Variants in SMAD6 observed in about 807,000 individuals in gnomAD.
SMAD6 encodes SMAD family member 6.
Under a neutral mutation model 39.4 loss-of-function variants are expected in SMAD6, and 103 were observed. The observed-to-expected ratio is 2.62, with a 90% CI of 2.23 to 3.08. SMAD6 has a LOEUF of 3.08. Among genes scored for constraint, SMAD6 ranks in the 30% most tolerant of loss-of-function variants. The pLI is 0.00. For missense variants in SMAD6, 1,104 were observed against 742.9 expected (o/e 1.49, Z -5.65); for synonymous variants, 445 against 353.3 (o/e 1.26, Z -2.91).
intron 3 of SMAD6, chr15:66,717,428 G>T (rs927202339): frequency 2.2e-6 from 1 of 455,960 alleles, no homozygotes; most frequent in Non-Finnish European, 4.4e-6. Flanking sequence ...GCATTCTCTT[G>T]GGACAGCCAT....
rs1189061874 is a variant in SMAD6, at chr15:66,703,111, G to A, written c.-148G>A. 5.8e-6 allele frequency: 3 copies of A among 518,750 alleles called. No individual in the cohort carries two copies. The highest frequency in any genetic ancestry group is 4.4e-5 in the Admixed American group (1 of 22,720). The allele number at this position is 518,750 out of a possible 1,614,324, so 32.1% of individuals were successfully genotyped here. On this transcript the variant is annotated 5_prime_UTR_variant, in exon 1 of 4. Transcript: ENST00000288840. ...TGTTGTCGCCCTGCGGCGCCCCTTCGACGACAGGCTGTGCGCGGTCTGCAC... is the reference window on the plus strand; with the variant it reads ...TGTTGTCGCCCTGCGGCGCCCCTTCAACGACAGGCTGTGCGCGGTCTGCAC...
intron 3 of SMAD6, among the ~76,000 whole-genome samples, chr15:66,721,030 G>A (rs1011989655): frequency 1.3e-5 from 2 of 152,212 alleles, no homozygotes; most frequent in Non-Finnish European, 2.9e-5. Flanking sequence ...CTGGATGTGG[G>A]TATCTTTCCT....
intron 3 of SMAD6, among the ~76,000 whole-genome samples, chr15:66,728,750 C>A (rs1486838206): frequency 6.6e-6 from 1 of 152,146 alleles, no homozygotes; most frequent in Non-Finnish European, 1.5e-5. Context: ...ATTCTCACTG[C>A]CAGATAATAT....
At position 66,781,117 on chromosome 15, in the gene SMAD6, A is replaced by G. The variant is rs749006152; in HGVS notation, c.1073A>G (p.Tyr358Cys). 2.5e-6 allele frequency: 4 copies of G among 1,609,036 alleles called. No homozygotes were observed. Among genetic ancestry groups the G allele is most frequent in the South Asian group, 1.1e-5 (1 of 91,016 alleles). The part of the protein sequence containing the change: ...AVYDQAVSIF[Y>C]DLPQGSGFCL... ...TACGACCAGGCCGTCAGCATCTTCTACGACCTACCTCAGGGCAGCGGCTTC... is the reference window on the plus strand; with the variant it reads ...TACGACCAGGCCGTCAGCATCTTCTGCGACCTACCTCAGGGCAGCGGCTTC... The change falls in exon 4 of 4, where the codon TAC becomes TGC. Residue 358 changes from tyrosine to cysteine, a missense_variant. Transcript: ENST00000288840.
intron 3 of SMAD6, among the ~76,000 whole-genome samples, chr15:66,759,750 T>C (rs1894166135): frequency 6.6e-6 from 1 of 152,246 alleles, no homozygotes; most frequent in Non-Finnish European, 1.5e-5. Context: ...GAGTTTGCAC[T>C]TGTAGAATCC....
At chr15:66,741,752 T>C (rs1040464145) in intron 3 of SMAD6, among the ~76,000 whole-genome samples, 3 of 152,184 alleles carry the variant, frequency 2.0e-5, no homozygotes, top group Non-Finnish European at 4.4e-5. Context: ...TGGTTTTTAG[T>C]ATATTTGCAA....
chr15:66,758,332 A>G (rs1370921618), intron 3 of SMAD6, among the ~76,000 whole-genome samples: 1 of 152,216 alleles, frequency 6.6e-6, no homozygotes, highest in Non-Finnish European at 1.5e-5. Flanking sequence ...CAGGATGGAA[A>G]CAACAACAAA....
intron 3 of SMAD6, among the ~76,000 whole-genome samples, chr15:66,720,312 G>A (rs543610646): frequency 6.6e-6 from 1 of 152,004 alleles, no homozygotes; most frequent in East Asian, 1.9e-4. Flanking sequence ...TGGCAGTTCC[G>A]AGAAAGGCTG....
intron 3 of SMAD6, among the ~76,000 whole-genome samples, chr15:66,737,623 C>T (rs1198752930): frequency 6.6e-6 from 1 of 152,052 alleles, no homozygotes; most frequent in African/African-American, 2.4e-5. Flanking sequence ...ACCACTTCCT[C>T]CTTGGCATAT....
chr15:66,776,544 G>T (rs946613471), intron 3 of SMAD6, among the ~76,000 whole-genome samples: 1 of 152,194 alleles, frequency 6.6e-6, no homozygotes, highest in African/African-American at 2.4e-5. Flanking sequence ...GGACCATGTG[G>T]CATGGATTAG....
At chr15:66,719,233 G>A (rs961643298) in intron 3 of SMAD6, among the ~76,000 whole-genome samples, 5 of 152,216 alleles carry the variant, frequency 3.3e-5, no homozygotes, top group African/African-American at 1.2e-4. Context: ...TGAGGGCCCT[G>A]CCCAGTGTTC....
In SMAD6 at chr15:66,703,984, G is replaced by C. The variant is rs1193911261; in HGVS notation, c.726G>C (p.Lys242Asn). 5 of 1,474,350 alleles carry C rather than the reference G, an allele frequency of 3.4e-6. No individual in the cohort carries two copies. Among genetic ancestry groups the C allele is most frequent in the Non-Finnish European group, 4.5e-6 (5 of 1,118,794 alleles). The allele number at this position is 1,474,350 out of a possible 1,614,324, so 91.3% of individuals were successfully genotyped here. Residue 242 changes from lysine (K) to asparagine (N), a missense_variant, in exon 1 of 4, where the codon AAG becomes AAC. Lys to Asn is a moderately conservative substitution (Grantham distance 94). Coordinates refer to ENST00000288840, the MANE Select transcript of SMAD6 (RefSeq NM_005585.5). ...ACCTGCAGCACGCCGTGGAGCTGAA[G>C]CCCCTGTGCGGCTGCCACAGCTTCG... ...WPDLQHAVEL[K>N]PLCGCHSFAA...
intron 2 of SMAD6, among the ~76,000 whole-genome samples, chr15:66,712,866 G>T (rs1595763873): frequency 6.6e-6 from 1 of 151,994 alleles, no homozygotes; most frequent in East Asian, 1.9e-4. Context: ...AATTAGCTGG[G>T]TGTGGTGGCT....
At position 66,703,891 on chromosome 15, in the gene SMAD6, CG is replaced by C; in HGVS notation, c.634del (p.Asp212ThrfsTer30). On this transcript the variant is annotated frameshift_variant, in exon 1 of 4. Coordinates refer to ENST00000288840, the MANE Select transcript of SMAD6 (RefSeq NM_005585.5). LOFTEE classifies it high-confidence loss of function. ...GCGGCTGCGTGCTGGTGCCGCGCGC[CG>C]ACCTCCGCCTGGGCGGCCAGCCCGC... is the stretch of plus-strand genomic sequence containing the variant. ...PGGCVLVPRA[D>X]LRLGGQPAPP... 1.5e-6 allele frequency: 2 copies of C among 1,294,366 alleles called. No individual in the cohort carries two copies. The highest frequency in any genetic ancestry group is 2.0e-6 in the Non-Finnish European group (2 of 1,024,432). 80.2% of individuals were successfully genotyped at this position (1,294,366 alleles called of 1,614,324 possible).
Position 66,703,348 on chromosome 15 carries a change from C to G in SMAD6, c.90C>G (p.Gly30=). ...GGGAGGAAGGCGGCAGCGGCGGCGG[C>G]GGTGGCGGCGACGAGGATGGGAGCT... ...PDREEGGSGG[G]GGGDEDGSLG... Residue 30 remains glycine, a synonymous_variant, in exon 1 of 4, where the codon GGC becomes GGG. Coordinates refer to ENST00000288840, the MANE Select transcript of SMAD6 (RefSeq NM_005585.5). 6.8e-7 allele frequency: 1 copy of G among 1,477,560 alleles called. No homozygotes were observed. The highest frequency in any genetic ancestry group is 9.0e-7 in the Non-Finnish European group (1 of 1,113,708). 91.5% of individuals were successfully genotyped at this position (1,477,560 alleles called of 1,614,324 possible).
At chr15:66,740,168 G>T (rs1333039214) in intron 3 of SMAD6, among the ~76,000 whole-genome samples, 1 of 152,204 alleles carries the variant, frequency 6.6e-6, no homozygotes, top group South Asian at 2.1e-4. Context: ...ATGGCAGGCC[G>T]TGGCACTCAC....
rs746122297 is a variant in SMAD6 at position 66,703,845 on chromosome 15, A to G, written c.587A>G (p.Glu196Gly). ...CTGGACACGCTGCTGGAGGCGGTGGAGTCCCGCGGCGGCGTGCCGGGCGGC... is the reference window on the plus strand; with the variant it reads ...CTGGACACGCTGCTGGAGGCGGTGGGGTCCCGCGGCGGCGTGCCGGGCGGC... ...RSLDTLLEAV[E>G]SRGGVPGGCV... The change falls in exon 1 of 4, where the codon GAG (glutamate) becomes GGG (glycine). Residue 196 changes from glutamate to glycine, a missense_variant. Transcript: ENST00000288840. The G allele has an allele frequency of 1.5e-6, 2 of 1,367,716 alleles. No individual in the cohort carries two copies. Among genetic ancestry groups the G allele is most frequent in the Non-Finnish European group, 1.9e-6 (2 of 1,048,666 alleles). The allele number at this position is 1,367,716 out of a possible 1,614,324, so 84.7% of individuals were successfully genotyped here. A position where few individuals can be genotyped will look rare whatever the true frequency, so the allele number is the denominator to read the frequency against.
intron 3 of SMAD6, among the ~76,000 whole-genome samples, chr15:66,768,861 A>G (rs1287588812): frequency 2.0e-5 from 3 of 152,234 alleles, no homozygotes; most frequent in African/African-American, 7.2e-5. Context: ...ACATAGTACC[A>G]GGTCCTTGGG....
At chr15:66,739,674 TG>T (rs1893778117) in intron 3 of SMAD6, among the ~76,000 whole-genome samples, 2 of 152,186 alleles carry the variant, frequency 1.3e-5, no homozygotes, top group Admixed American at 1.3e-4. Context: ...AAGAAGCATG[TG>T]GCATATTAGG....
Sources: gnomAD v4.1 joint callset for allele counts (sites outside exome capture counted in the v4.1 genomes callset) on GRCh38, gnomAD v4.1.1 for gene constraint, MANE v1.5 for transcripts, NCBI Gene and HGNC (gene_info 2026-07-23, HGNC 2026-07-21) for gene names.